The following ITPR2 variants were observed in gnomAD, a reference collection of about 807,000 sequenced individuals.
The protein encoded by ITPR2 is inositol 1,4,5-trisphosphate-gated calcium channel ITPR2.
ITPR2 carries 207 observed loss-of-function variants against 317.1 expected under a neutral mutation model. The ratio of observed to expected loss-of-function variants is 0.65; its 90% CI spans 0.58 to 0.73. The LOEUF (loss-of-function observed/expected upper bound fraction) is 0.73. Ranked by LOEUF, ITPR2 falls within the 30% of genes least tolerant of loss-of-function variation. The pLI is 0.00. For synonymous variants in ITPR2, 1,156 were observed against 1,149.1 expected (o/e 1.01, Z -0.12); for missense variants, 2,613 against 3,284.0 (o/e 0.80, Z 4.99).
intron 51 of ITPR2, among the ~76,000 whole-genome samples, chr12:26,412,724 A>T (rs1269631900): frequency 1.3e-5 from 2 of 152,204 alleles, no homozygotes; most frequent in Non-Finnish European, 2.9e-5. Context: ...TAAAGGAGTC[A>T]TAGGACTTAG....
At chr12:26,381,088 G>T (rs1939495759) in intron 55 of ITPR2, among the ~76,000 whole-genome samples, 7 of 152,224 alleles carry the variant, frequency 4.6e-5, no homozygotes, top group Admixed American at 4.6e-4. Context: ...ACTCCTGTGG[G>T]AGGGAGAGGC....
chr12:26,562,917 TA>T (rs78796600), intron 34 of ITPR2, among the ~76,000 whole-genome samples: 22,133 of 130,042 alleles, frequency 0.17, 2,270 homozygotes, highest in Non-Finnish European at 0.25. Flanking sequence ...AAAGTATAAT[TA>T]AAAAAAAAAA....
intron 2 of ITPR2, among the ~76,000 whole-genome samples, chr12:26,758,878 A>T (rs1477340168): frequency 6.6e-6 from 1 of 152,222 alleles, no homozygotes; most frequent in African/African-American, 2.4e-5. Context: ...GGAAATATAT[A>T]AAAAACTTAT....
intron 13 of ITPR2, among the ~76,000 whole-genome samples, chr12:26,668,212 C>G (rs1233145055): frequency 1.3e-5 from 2 of 152,184 alleles, no homozygotes; most frequent in Non-Finnish European, 2.9e-5. Flanking sequence ...GATTTCAACT[C>G]TTGCAAGGTA....
intron 9 of ITPR2, among the ~76,000 whole-genome samples, chr12:26,699,910 T>G (rs372526995): frequency 2.0e-5 from 3 of 152,168 alleles, no homozygotes; most frequent in East Asian, 3.8e-4. Flanking sequence ...CTTAATGTCT[T>G]TATGTTAAAA....
intron 37 of ITPR2, among the ~76,000 whole-genome samples, chr12:26,515,185 G>A (rs556444552): frequency 1.2e-4 from 18 of 152,268 alleles, no homozygotes; most frequent in African/African-American, 3.1e-4. Context: ...GAGAAAATAG[G>A]AGCTTTGCAT....
chr12:26,539,625 A>T (rs1041719749), intron 37 of ITPR2, among the ~76,000 whole-genome samples: 6 of 152,248 alleles, frequency 3.9e-5, no homozygotes, highest in African/African-American at 1.4e-4. Context: ...GGCTGAGCTC[A>T]CACCATAACT....
chr12:26,599,560 T>C (rs1945941921), intron 29 of ITPR2, among the ~76,000 whole-genome samples: 1 of 152,186 alleles, frequency 6.6e-6, no homozygotes, highest in African/African-American at 2.4e-5. Context: ...ATGAGCTTAT[T>C]ATCATAAAGT....
intron 45 of ITPR2, among the ~76,000 whole-genome samples, chr12:26,469,852 A>G (rs192570072): frequency 1.3e-5 from 2 of 152,318 alleles, no homozygotes; most frequent in Admixed American, 1.3e-4. Flanking sequence ...TGGCCTGTTC[A>G]GTGTTTGTAA....
At chr12:26,453,293 C>T (rs924595774) in intron 45 of ITPR2, among the ~76,000 whole-genome samples, 4 of 152,164 alleles carry the variant, frequency 2.6e-5, no homozygotes, top group South Asian at 2.1e-4. Context: ...ATTTTCTGAG[C>T]GACTAAAATG....
intron 22 of ITPR2, 75 bp from the exon 23 acceptor site, chr12:26,628,237 A>G: frequency 8.9e-7 from 1 of 1,121,044 alleles, no homozygotes; most frequent in East Asian, 2.6e-5. Flanking sequence ...ACAACACACC[A>G]ATAACAGTGG....
At chr12:26,686,346 CAAT>C (rs1029609307) in intron 11 of ITPR2, 132 bp downstream of exon 11, 9 of 506,850 alleles carry the variant, frequency 1.8e-5, no homozygotes, top group African/African-American at 1.4e-4. Flanking sequence ...AGAAGAGATA[CAAT>C]GTTTTACACA....
intron 9 of ITPR2, among the ~76,000 whole-genome samples, chr12:26,710,666 G>A (rs1948629475): frequency 6.6e-6 from 1 of 152,282 alleles, no homozygotes; most frequent in East Asian, 1.9e-4. Context: ...CATACTTTTA[G>A]TGGATAAAGA....
chr12:26,656,554 A>T lies in ITPR2; in HGVS notation c.2193-6T>A, dbSNP rs1337948549. ...CAAAGAGGTTTAGCTGGTACCTTAAAAATGGTAAACATATTACATTATTGT... is the reference window on the plus strand; with the variant it reads ...CAAAGAGGTTTAGCTGGTACCTTAATAATGGTAAACATATTACATTATTGT... On this transcript the variant is annotated splice_polypyrimidine_tract_variant and splice_region_variant and intron_variant, in intron 18 of 56. Transcript: ENST00000381340. 1.9e-6 allele frequency: 3 copies of T among 1,613,856 alleles called. No individual in the cohort carries two copies. Among genetic ancestry groups the T allele is most frequent in the African/African-American group, 2.7e-5 (2 of 74,924 alleles).
chr12:26,723,513 CTATT>C (rs1472349464), intron 4 of ITPR2, among the ~76,000 whole-genome samples: 4 of 152,082 alleles, frequency 2.6e-5, no homozygotes, highest in Non-Finnish European at 5.9e-5. Flanking sequence ...AAGAGAAACT[CTATT>C]TATGAAGGAT....
At position 26,471,696 on chromosome 12, in the gene ITPR2, T is replaced by A. The variant is rs149610573; in HGVS notation, c.6342+3600A>T. ...AATTGAAAGTCTGAGAGCACCAGAA[T>A]AAACTGTCTGCACAAAAGATGATTA... is the stretch of plus-strand genomic sequence containing the variant. On this transcript the variant is annotated intron_variant, in intron 45 of 56. Transcript: ENST00000381340. Among the ~76,000 whole-genome samples the A allele has an allele frequency of 1.5e-3, 225 of 152,330 alleles. 1 individual carries two copies. In the Middle Eastern group the frequency reaches 0.017, roughly 12 times the overall value.
chr12:26,454,831 T>C (rs1249725738), intron 45 of ITPR2, among the ~76,000 whole-genome samples: 1 of 152,180 alleles, frequency 6.6e-6, no homozygotes, highest in Middle Eastern at 3.2e-3. Context: ...TTTGACCTTT[T>C]TATGTCTAAT....
intron 15 of ITPR2, among the ~76,000 whole-genome samples, chr12:26,660,037 G>T (rs1461206133): frequency 6.6e-6 from 1 of 152,230 alleles, no homozygotes; most frequent in Non-Finnish European, 1.5e-5. Flanking sequence ...TTTGAGCTAG[G>T]ATGGGAATGA....
chr12:26,815,476 C>A lies in ITPR2; in HGVS notation c.92+17214G>T, dbSNP rs984911760. Reference sequence around the variant, plus strand: ...AATTGTTTCTTTCTATTACTATGTTCTAATCGGGATGAAATATTAGCAACT... The same window carrying A: ...AATTGTTTCTTTCTATTACTATGTTATAATCGGGATGAAATATTAGCAACT... On this transcript the variant is annotated intron_variant, in intron 1 of 56. Coordinates refer to ENST00000381340, the MANE Select transcript of ITPR2 (RefSeq NM_002223.4). Among the ~76,000 whole-genome samples the A allele has an allele frequency of 2.0e-5, 3 of 152,060 alleles. No individual in the cohort carries two copies. The East Asian group carries it at 5.8e-4, about 29-fold the overall frequency.
Sources: gnomAD v4.1 joint callset for allele counts (sites outside exome capture counted in the v4.1 genomes callset) on GRCh38, gnomAD v4.1.1 for gene constraint, MANE v1.5 for transcripts, NCBI Gene and HGNC (gene_info 2026-07-23, HGNC 2026-07-21) for gene names.